Variants in DYRK1A observed in about 807,000 individuals in gnomAD.
The protein encoded by DYRK1A is dual specificity tyrosine-phosphorylation-regulated kinase 1A.
DYRK1A carries 9 observed loss-of-function variants against 79.7 expected under a neutral mutation model. That is an observed-to-expected ratio of 0.11 (90% CI 0.07 to 0.20). The LOEUF is 0.20. Among genes scored for constraint, DYRK1A ranks in the 10% least tolerant of loss-of-function variants. The pLI, the probability that DYRK1A is intolerant of heterozygous loss-of-function variation, is 1.00. For missense variants in DYRK1A, 622 were observed against 956.0 expected, an observed-to-expected ratio of 0.65 and a Z score of 4.61; for synonymous variants, 349 against 329.7, an observed-to-expected ratio of 1.06 and a Z score of -0.63.
At chr21:37,425,696 CAG>C (rs1491171156) in intron 2 of DYRK1A, 3 of 150,254 alleles carry the variant, frequency 2.0e-5, no homozygotes, top group African/African-American at 7.3e-5. Flanking sequence ...CTAGAAGAGA[CAG>C]AGTAACTAGC....
intron 9 of DYRK1A, chr21:37,502,315 C>G: frequency 6.6e-6 from 1 of 151,956 alleles, no homozygotes; most frequent in East Asian, 1.9e-4. Context: ...TTTGTCTTTC[C>G]TGTTCTTTGT....
intron 3 of DYRK1A, among the ~76,000 whole-genome samples, chr21:37,477,020 G>GTT (rs2052423252): frequency 6.6e-6 from 1 of 152,160 alleles, no homozygotes; most frequent in African/African-American, 2.4e-5. Context: ...GTAAAATGCT[G>GTT]TAACAATTCT....
At chr21:37,418,455 T>TA (rs1249927897) in intron 1 of DYRK1A, among the ~76,000 whole-genome samples, 4 of 152,226 alleles carry the variant, frequency 2.6e-5, no homozygotes, top group African/African-American at 9.6e-5. Flanking sequence ...TCTACTGTCT[T>TA]ACAAAGAACT....
At position 37,518,036 on chromosome 21, in the gene DYRK1A, G is replaced by T. The variant is rs1006372782; in HGVS notation, c.*5505G>T. Reference sequence around the variant, plus strand: ...GCCTCCCAAGTAGCTGGGACTACCTGTGCACACCACCATGCCTGGCTGTTT... The same window carrying T: ...GCCTCCCAAGTAGCTGGGACTACCTTTGCACACCACCATGCCTGGCTGTTT... On this transcript the variant is annotated 3_prime_UTR_variant, in exon 12 of 12. Coordinates refer to ENST00000647188, the MANE Select transcript of DYRK1A (RefSeq NM_001347721.2). The T allele has an allele frequency of 2.6e-5, 4 of 152,246 alleles. No individual in the cohort carries two copies. The highest frequency in any genetic ancestry group is 4.8e-5 in the African/African-American group (2 of 41,426). 9.4% of individuals were successfully genotyped at this position (152,246 alleles called of 1,614,324 possible). A position where few individuals can be genotyped will look rare whatever the true frequency, so the allele number is the denominator to read the frequency against.
At chr21:37,425,488 A>T (rs2050593586) in intron 2 of DYRK1A, among the ~76,000 whole-genome samples, 2 of 152,190 alleles carry the variant, frequency 1.3e-5, no homozygotes, top group African/African-American at 4.8e-5. Flanking sequence ...AGAAAAAATG[A>T]TGGGAAATCT....
intron 1 of DYRK1A, among the ~76,000 whole-genome samples, chr21:37,397,319 G>A (rs1055732086): frequency 2.6e-5 from 4 of 152,170 alleles, no homozygotes; most frequent in African/African-American, 9.7e-5. Context: ...GTTTAGCAAA[G>A]AATTAATGTA....
At chr21:37,457,558 C>T (rs536441530) in intron 2 of DYRK1A, among the ~76,000 whole-genome samples, 150 of 152,224 alleles carry the variant, frequency 9.9e-4, no homozygotes, top group Non-Finnish European at 1.5e-3. Flanking sequence ...ACTTTTAAAG[C>T]GTCTCTGGTC....
At chr21:37,472,379 A>G (rs1278129353) in intron 2 of DYRK1A, among the ~76,000 whole-genome samples, 1 of 152,196 alleles carries the variant, frequency 6.6e-6, no homozygotes, top group Non-Finnish European at 1.5e-5. Context: ...AACTTGTATT[A>G]TGGTTCTTAA....
intron 2 of DYRK1A, among the ~76,000 whole-genome samples, chr21:37,463,306 T>A (rs1406022192): frequency 6.6e-6 from 1 of 152,086 alleles, no homozygotes; most frequent in Admixed American, 6.6e-5. Context: ...TGGCTCACTG[T>A]TACTAAATAG....
intron 9 of DYRK1A, among the ~76,000 whole-genome samples, chr21:37,500,499 T>A (rs1332791962): frequency 6.6e-6 from 1 of 152,188 alleles, no homozygotes; most frequent in African/African-American, 2.4e-5. Context: ...TTAGGAAATA[T>A]TTTTTCTTGA....
At chr21:37,483,940 C>T (rs548112165) in intron 5 of DYRK1A, among the ~76,000 whole-genome samples, 2 of 152,072 alleles carry the variant, frequency 1.3e-5, no homozygotes, top group African/African-American at 4.8e-5. Flanking sequence ...CTCTGTCAGC[C>T]TCTTAAGGAA....
chr21:37,389,195 CTCTT>C (rs1378531778), intron 1 of DYRK1A, among the ~76,000 whole-genome samples: 1 of 151,622 alleles, frequency 6.6e-6, no homozygotes, highest in Non-Finnish European at 1.5e-5. Context: ...TTCTCTCTCT[CTCTT>C]TTTTTAAAAA....
intron 2 of DYRK1A, among the ~76,000 whole-genome samples, chr21:37,429,124 A>G (rs1354164651): frequency 1.3e-5 from 2 of 152,210 alleles, no homozygotes; most frequent in African/African-American, 4.8e-5. Flanking sequence ...TAAACCATCC[A>G]CAAAATATAC....
chr21:37,455,734 C>T (rs539649731), intron 2 of DYRK1A, among the ~76,000 whole-genome samples: 1 of 152,282 alleles, frequency 6.6e-6, no homozygotes, highest in South Asian at 2.1e-4. Flanking sequence ...CTCCTGGTTC[C>T]AGTCCACCTT....
rs767840456 is a variant in DYRK1A, at chr21:37,511,986, C to A, written c.1720C>A (p.Pro574Thr). 4 of 1,614,186 alleles carry A rather than the reference C, an allele frequency of 2.5e-6. No homozygotes were observed. The South Asian group carries it at 3.3e-5, about 13-fold the overall frequency. ...APTQVTVETH[P>T]VQETTFHVAP... is the part of the protein sequence containing the mutation. ...TACACAGGTCACTGTTGAAACTCAT[C>A]CTGTTCAAGAAACAACCTTTCATGT... The change falls in exon 12 of 12, where the codon CCT becomes ACT. Residue 574 changes from proline (P) to threonine (T), a missense_variant. Coordinates refer to ENST00000647188, the MANE Select transcript of DYRK1A (RefSeq NM_001347721.2).
intron 1 of DYRK1A, among the ~76,000 whole-genome samples, chr21:37,396,931 G>A (rs190646377): frequency 1.3e-5 from 2 of 152,130 alleles, no homozygotes; most frequent in Non-Finnish European, 2.9e-5. Flanking sequence ...GGTTGGTGGC[G>A]GTGACTGCCT....
chr21:37,465,610 G>C (rs1298405448), intron 2 of DYRK1A, among the ~76,000 whole-genome samples: 1 of 152,174 alleles, frequency 6.6e-6, no homozygotes, highest in Non-Finnish European at 1.5e-5. Flanking sequence ...GCCAAAGTGA[G>C]TGGATCACCT....
chr21:37,451,775 G>A (rs1391337007), intron 2 of DYRK1A, among the ~76,000 whole-genome samples: 1 of 152,202 alleles, frequency 6.6e-6, no homozygotes, highest in Non-Finnish European at 1.5e-5. Context: ...TATCCTCATG[G>A]TTAGGTGACA....
Position 37,462,180 on chromosome 21 carries a change from C to T in DYRK1A, c.11-10504C>T, listed in dbSNP as rs901731598. ...GAGTCTTAAATGGATTTTTTCCTCC[C>T]GAATACAGACCACATTTTCTTGCTT... On this transcript the variant is annotated intron_variant, in intron 2 of 11. Coordinates refer to ENST00000647188, the MANE Select transcript of DYRK1A (RefSeq NM_001347721.2). Among the ~76,000 whole-genome samples the T allele has an allele frequency of 4.2e-4, 64 of 152,014 alleles. 1 individual carries two copies. The highest frequency in any genetic ancestry group is 1.3e-3 in the African/African-American group (55 of 41,382).
Sources: allele counts gnomAD v4.1 joint callset (sites outside exome capture counted in the v4.1 genomes callset), GRCh38; gene constraint gnomAD v4.1.1; transcripts MANE v1.5; gene names NCBI Gene and HGNC (gene_info 2026-07-23, HGNC 2026-07-21).